Variants in IGF1R observed in about 807,000 individuals in gnomAD.
IGF1R encodes the protein insulin like growth factor 1 receptor, also known as insulin-like growth factor 1 receptor.
IGF1R carries 44 observed loss-of-function variants against 144.6 expected under a neutral mutation model. The ratio of observed to expected loss-of-function variants is 0.30; its 90% CI spans 0.24 to 0.39. The LOEUF (loss-of-function observed/expected upper bound fraction) is 0.39, where lower values mean the gene tolerates loss of function less well. IGF1R is among the 10% of genes least tolerant of loss of function. The pLI is 1.00. For missense variants in IGF1R, 1,355 were observed against 1,833.7 expected (o/e 0.74, Z 4.77); for synonymous variants, 795 against 722.8 (o/e 1.10, Z -1.60).
chr15:98,666,412 C>T (rs1313425499), intron 1 of IGF1R, among the ~76,000 whole-genome samples: 2 of 151,864 alleles, frequency 1.3e-5, no homozygotes, highest in East Asian at 1.9e-4. Context: ...AGCAGGGGCT[C>T]GAACAGATAT....
At chr15:98,827,797 G>A (rs2056922118) in intron 2 of IGF1R, among the ~76,000 whole-genome samples, 1 of 152,108 alleles carries the variant, frequency 6.6e-6, no homozygotes, top group Non-Finnish European at 1.5e-5. Flanking sequence ...TGGTTAGGCT[G>A]GTCTCAAACT....
chr15:98,775,577 C>G (rs72769847), intron 2 of IGF1R, among the ~76,000 whole-genome samples: 21,507 of 152,168 alleles, frequency 0.14, 1,561 homozygotes, highest in Middle Eastern at 0.2. Context: ...CCCCACTTGT[C>G]GGGGAAGCAG....
intron 6 of IGF1R, among the ~76,000 whole-genome samples, chr15:98,909,447 C>T (rs993147290): frequency 2.0e-5 from 3 of 151,718 alleles, no homozygotes; most frequent in Non-Finnish European, 2.9e-5. Context: ...TTAGTAGAGA[C>T]GGGATTTCAT....
chr15:98,793,627 A>G (rs1161835096), intron 2 of IGF1R, among the ~76,000 whole-genome samples: 1 of 152,230 alleles, frequency 6.6e-6, no homozygotes, highest in East Asian at 1.9e-4. Flanking sequence ...AATATTAGTA[A>G]ATATGTCACA....
At chr15:98,788,054 CTCTCTCTCTGTGTGTGTG>C (rs1185912965) in intron 2 of IGF1R, among the ~76,000 whole-genome samples, 3 of 142,286 alleles carry the variant, frequency 2.1e-5, no homozygotes, top group African/African-American at 5.6e-5. Context: ...CTCTCTCTCT[CTCTCTCTCTGTGTGTGTG>C]TGTGTGTGTG....
At chr15:98,667,755 C>T (rs958887453) in intron 1 of IGF1R, among the ~76,000 whole-genome samples, 1 of 152,136 alleles carries the variant, frequency 6.6e-6, no homozygotes, top group African/African-American at 2.4e-5. Flanking sequence ...GGGAGGAAGC[C>T]TGCTGCGGGC....
At chr15:98,769,238 C>G (rs899994927) in intron 2 of IGF1R, among the ~76,000 whole-genome samples, 1 of 151,894 alleles carries the variant, frequency 6.6e-6, no homozygotes, top group South Asian at 2.1e-4. Flanking sequence ...TGGTATGTAC[C>G]TTGTGGCTAA....
chr15:98,928,616 C>T (rs957380237), intron 13 of IGF1R, among the ~76,000 whole-genome samples: 1 of 152,222 alleles, frequency 6.6e-6, no homozygotes, highest in African/African-American at 2.4e-5. Flanking sequence ...GAAAGCATAT[C>T]ATAAACAAGT....
In IGF1R at chr15:98,868,156, C is replaced by T. The variant is rs180805899; in HGVS notation, c.641-23169C>T. Among the ~76,000 whole-genome samples the T allele has an allele frequency of 1.8e-3, 277 of 152,000 alleles. 3 individuals carry two copies. The highest frequency in any genetic ancestry group is 6.1e-3 in the African/African-American group (251 of 41,444). On this transcript the variant is annotated intron_variant, in intron 2 of 20. Coordinates refer to ENST00000650285, the MANE Select transcript of IGF1R (RefSeq NM_000875.5). The stretch of plus-strand genomic sequence containing the variant: ...GAGTTGAGATTTCACCACTGCACTC[C>T]AGCTGGGGCAAAAGAATGAGTGAAA...
intron 2 of IGF1R, among the ~76,000 whole-genome samples, chr15:98,802,365 A>C (rs979753891): frequency 2.6e-5 from 4 of 151,712 alleles, no homozygotes; most frequent in Non-Finnish European, 5.9e-5. Context: ...ATGAGAGAAA[A>C]CTCATGGTGG....
intron 2 of IGF1R, among the ~76,000 whole-genome samples, chr15:98,818,585 G>A (rs1021401196): frequency 1.3e-5 from 2 of 151,876 alleles, no homozygotes; most frequent in Non-Finnish European, 1.5e-5. Context: ...GTGGCAGGGC[G>A]GGGGGTAGGG....
intron 2 of IGF1R, among the ~76,000 whole-genome samples, chr15:98,878,678 AAAAAAAAAAAAAAAAAAC>A (rs1293964399): frequency 1.1e-5 from 1 of 93,740 alleles, no homozygotes; most frequent in East Asian, 5.8e-4. Context: ...AAAAAAAAAA[AAAAAAAAAAAAAAAAAAC>A]AACAACAAAA....
At chr15:98,946,664 G>A (rs908642061) in intron 19 of IGF1R, among the ~76,000 whole-genome samples, 13 of 152,308 alleles carry the variant, frequency 8.5e-5, no homozygotes, top group Non-Finnish European at 1.5e-4. Flanking sequence ...CAGGGAAGCC[G>A]GGGGAAGAAC....
chr15:98,951,220 C>T (rs557631933), intron 20 of IGF1R, among the ~76,000 whole-genome samples: 12 of 152,310 alleles, frequency 7.9e-5, no homozygotes, highest in African/African-American at 2.6e-4. Flanking sequence ...AGGGCCAGAA[C>T]CAGAAAGTCG....
intron 5 of IGF1R, 119 bp from the exon 6 acceptor site, chr15:98,908,566 T>C (rs1567191431): frequency 9.5e-6 from 7 of 740,416 alleles, no homozygotes; most frequent in Admixed American, 4.0e-5. Context: ...AAATCTCTTA[T>C]TGGCAAAGGA....
intron 2 of IGF1R, among the ~76,000 whole-genome samples, chr15:98,769,993 T>C (rs1407636882): frequency 6.6e-6 from 1 of 152,216 alleles, no homozygotes; most frequent in Non-Finnish European, 1.5e-5. Flanking sequence ...TGGTCTTCGG[T>C]TGCTTCCTTG....
At chr15:98,649,914 T>G (rs1235749176) in intron 1 of IGF1R, among the ~76,000 whole-genome samples, 1 of 152,156 alleles carries the variant, frequency 6.6e-6, no homozygotes, top group African/African-American at 2.4e-5. Flanking sequence ...GGGAAGGGCT[T>G]TTCTCTTTCT....
At chr15:98,947,000 T>C (rs573596199) in intron 19 of IGF1R, among the ~76,000 whole-genome samples, 86 of 152,378 alleles carry the variant, frequency 5.6e-4, no homozygotes, top group African/African-American at 2.0e-3. Context: ...GCATTTCAGA[T>C]GTGTGGGTAC....
At chr15:98,680,355 C>T (rs1211304430) in intron 1 of IGF1R, among the ~76,000 whole-genome samples, 5 of 152,040 alleles carry the variant, frequency 3.3e-5, no homozygotes, top group African/African-American at 1.2e-4. Context: ...CAACCTCCAC[C>T]TCCCAAGTTC....
Sources: gnomAD v4.1 joint callset for allele counts (sites outside exome capture counted in the v4.1 genomes callset) on GRCh38, gnomAD v4.1.1 for gene constraint, MANE v1.5 for transcripts, NCBI Gene and HGNC (gene_info 2026-07-23, HGNC 2026-07-21) for gene names.